The following THBS2 variants were observed in gnomAD, a reference collection of about 807,000 sequenced individuals.
THBS2 encodes thrombospondin-2.
In THBS2, 47 loss-of-function variants were observed where a neutral mutation model predicts 135.2. That is an observed-to-expected ratio of 0.35 (90% CI 0.28 to 0.44). THBS2 has a LOEUF of 0.44. THBS2 is among the 20% of genes least tolerant of loss of function. THBS2 has a pLI of 1.00. For missense variants in THBS2, 1,288 were observed against 1,603.1 expected (o/e 0.80, Z 3.36); for synonymous variants, 639 against 633.8 (o/e 1.01, Z -0.12).
rs1445628438 is a variant in THBS2, at chr6:169,241,994, G to A, written c.695-36C>T. On this transcript the variant is annotated intron_variant, in intron 4 of 21. Coordinates refer to ENST00000617924, the MANE Select transcript of THBS2 (RefSeq NM_003247.5). The surrounding 1 kb of genome is among the most constrained non-coding windows in gnomAD (Gnocchi z 5.5). ...GCGTAGAAGGGCCGTGAGCATCACA[G>A]AGGACGGGGCCAGCAGCAGGGGCTG... The A allele has an allele frequency of 6.3e-7, 1 of 1,579,888 alleles. No homozygotes were observed. Among genetic ancestry groups the A allele is most frequent in the South Asian group, 1.1e-5 (1 of 88,480 alleles).
chr6:169,221,474 G>C lies in THBS2; in HGVS notation c.3327C>G (p.Ala1109=). Residue 1109 remains alanine, a synonymous_variant, in exon 20 of 22, where the codon GCC becomes GCG. Transcript: ENST00000617924. ...PRNIGWKDYT[A]YRWHLTHRPK... ...GCCTGTGAGTCAGGTGCCACCTATAGGCCGTGTAGTCCTTCCAGCCAATGT... is the reference window on the plus strand; with the variant it reads ...GCCTGTGAGTCAGGTGCCACCTATACGCCGTGTAGTCCTTCCAGCCAATGT... 6.2e-7 allele frequency: 1 copy of C among 1,613,984 alleles called. No homozygotes were observed. The highest frequency in any genetic ancestry group is 8.5e-7 in the Non-Finnish European group (1 of 1,180,016).
chr6:169,236,650 CCA>C (rs1158399449), intron 9 of THBS2, among the ~76,000 whole-genome samples: 1 of 146,792 alleles, frequency 6.8e-6, no homozygotes, highest in Non-Finnish European at 1.5e-5. Flanking sequence ...CACTCGCCAT[CCA>C]CACTCACTCC....
rs746695605 is a variant in THBS2 at position 169,241,740 on chromosome 6, C to T, written c.891+22G>A. The T allele has an allele frequency of 7.6e-6, 12 of 1,585,134 alleles. No homozygotes were observed. Among genetic ancestry groups the T allele is most frequent in the Middle Eastern group, 1.8e-4 (1 of 5,606 alleles). Reference sequence around the variant, plus strand: ...AGCTGCCCATGCCCTATGACCCCCGCGGCCCCTGCGTGAGTACCCACCACT... The same window carrying T: ...AGCTGCCCATGCCCTATGACCCCCGTGGCCCCTGCGTGAGTACCCACCACT... On this transcript the variant is annotated intron_variant, in intron 5 of 21. Coordinates refer to ENST00000617924, the MANE Select transcript of THBS2 (RefSeq NM_003247.5). This position sits in a 1 kb window ranked among gnomAD's most constrained non-coding sequence, Gnocchi z 5.5.
intron 12 of THBS2, among the ~76,000 whole-genome samples, 184 bp downstream of exon 12, chr6:169,232,480 C>T (rs1779876809): frequency 6.6e-6 from 1 of 151,764 alleles, no homozygotes; most frequent in African/African-American, 2.4e-5. Context: ...GCTGAGCACG[C>T]CCCGCACCCC....
Position 169,248,494 on chromosome 6 carries a change from G to A in THBS2, c.532C>T (p.Pro178Ser). Residue 178 changes from proline (P) to serine (S), a missense_variant, in exon 3 of 22, where the codon CCC becomes TCC. Pro to Ser is a moderately conservative substitution (Grantham distance 74, BLOSUM62 -1). Around this residue, in one of 2 missense-constraint regions of THBS2, gnomAD observed 414 missense variants for 447.0 expected, o/e 0.93. Transcript: ENST00000617924. Reference protein sequence around the residue: ...DLIDSFALDEPFYEHLQAEKS... With the variant: ...DLIDSFALDESFYEHLQAEKS... Reference sequence around the variant, plus strand: ...TCCGCCTGCAGGTGCTCGTAGAAGGGCTCGTCCAGAGCGAAGCTGTCTATG... The same window carrying A: ...TCCGCCTGCAGGTGCTCGTAGAAGGACTCGTCCAGAGCGAAGCTGTCTATG... 2 of 1,614,012 alleles carry A rather than the reference G, an allele frequency of 1.2e-6. No homozygotes were observed. Among genetic ancestry groups the A allele is most frequent in the Non-Finnish European group, 1.7e-6 (2 of 1,180,032 alleles).
chr6:169,250,757 G>A lies in THBS2; in HGVS notation c.28C>T (p.Leu10=), dbSNP rs1271979237. 6.2e-7 allele frequency: 1 copy of A among 1,613,780 alleles called. No homozygotes were observed. The highest frequency in any genetic ancestry group is 8.5e-7 in the Non-Finnish European group (1 of 1,179,904). The part of the protein sequence containing the change: MVWRLVLLA[L]WVWPSTQAGH... ...CCTTGCGTGCTGGGCCACACCCACA[G>A]AGCCAGCAGGACCAGCCTCCAGACC... The change falls in exon 2 of 22, where the codon CTG becomes TTG. Residue 10 remains leucine (L), a synonymous_variant. Coordinates refer to ENST00000617924, the MANE Select transcript of THBS2 (RefSeq NM_003247.5).
rs913648953 is a variant in THBS2, at chr6:169,239,398, C to G, written c.1129+201G>C. 3 of 588,588 alleles carry G rather than the reference C, an allele frequency of 5.1e-6. No individual in the cohort carries two copies. In the African/African-American group the frequency reaches 5.6e-5, roughly 11 times the overall value. 36.5% of individuals were successfully genotyped at this position (588,588 alleles called of 1,614,324 possible). A position where few individuals can be genotyped will look rare whatever the true frequency, so the allele number is the denominator to read the frequency against. On this transcript the variant is annotated intron_variant, in intron 7 of 21. Transcript: ENST00000617924. ...ACTGGCCTTCCCACCCCCGCGTTCC[C>G]AGGGCTTCCACACTCCTTTCTAGCC...
rs148676859 is a variant in THBS2, at chr6:169,232,893, G to A, written c.1776C>T (p.Asp592=). The A allele has an allele frequency of 1.7e-5, 27 of 1,597,348 alleles. No individual in the cohort carries two copies. The African/African-American group carries it at 2.7e-4, about 16-fold the overall frequency. The change falls in exon 11 of 22, where the codon GAC becomes GAT. Residue 592 remains aspartate (D), a synonymous_variant. Coordinates refer to ENST00000617924, the MANE Select transcript of THBS2 (RefSeq NM_003247.5). ...LGNGTHCEDL[D]ECALVPDICF... ...AGCCCAGGGCGGGGTCACCCACCTCGTCCAGGTCCTCACAGTGGGTGCCAT... is the reference window on the plus strand; with the variant it reads ...AGCCCAGGGCGGGGTCACCCACCTCATCCAGGTCCTCACAGTGGGTGCCAT...
At chr6:169,229,742 CAGG>C (rs1026201732) in intron 13 of THBS2, 63 bp from the exon 14 acceptor site, 3 of 1,366,328 alleles carry the variant, frequency 2.2e-6, no homozygotes, top group Non-Finnish European at 3.1e-6. Context: ...TTCAGGAATG[CAGG>C]TGAAATGAAA....
At chr6:169,250,687 A>G in intron 2 of THBS2, 46 bp downstream of exon 2, 3 of 1,576,610 alleles carry the variant, frequency 1.9e-6, no homozygotes, top group Non-Finnish European at 1.7e-6. Context: ...CAGCTAAGCC[A>G]TATCTCACAA....
Position 169,226,077 on chromosome 6 carries a change from T to A in THBS2, c.2538+103A>T, listed in dbSNP as rs551720122. The A allele has an allele frequency of 3.8e-6, 5 of 1,319,772 alleles. No homozygotes were observed. The African/African-American group carries it at 7.2e-5, about 19-fold the overall frequency. 81.8% of individuals were successfully genotyped at this position (1,319,772 alleles called of 1,614,324 possible). On this transcript the variant is annotated intron_variant, in intron 16 of 21. Transcript: ENST00000617924. ...CATGGCTGCCCTCATCTGGTCAGGG[T>A]TGTGCACCAGGGGCAGTTGTCACAG...
chr6:169,248,325 G>C, intron 3 of THBS2, 92 bp downstream of exon 3: 2 of 1,435,618 alleles, frequency 1.4e-6, no homozygotes, highest in Non-Finnish European at 1.9e-6. Context: ...GGCTCTGCCT[G>C]CTCAAGCATC....
At chr6:169,219,097 G>A (rs2114968129) in intron 21 of THBS2, among the ~76,000 whole-genome samples, 1 of 151,726 alleles carries the variant, frequency 6.6e-6, no homozygotes, top group Non-Finnish European at 1.5e-5. Flanking sequence ...ATAGGTGGAT[G>A]GATGGATGGA....
rs548501469 is a variant in THBS2, at chr6:169,252,400, C to T, written c.-23+1324G>A. ...CCTCATCAGCCCACACTGCCGGGTACGTCGCAGTCCCCTAAGGACAGCTGT... is the reference window on the plus strand; with the variant it reads ...CCTCATCAGCCCACACTGCCGGGTATGTCGCAGTCCCCTAAGGACAGCTGT... On this transcript the variant is annotated intron_variant, in intron 1 of 21. Transcript: ENST00000617924. This position sits in a 1 kb window ranked among gnomAD's most constrained non-coding sequence, Gnocchi z 4.3. 5.9e-5 allele frequency among the ~76,000 whole-genome samples: 9 copies of T among 152,312 alleles called. No homozygotes were observed. The South Asian group carries it at 6.2e-4, about 11-fold the overall frequency.
chr6:169,234,614 G>T (rs190605734), intron 10 of THBS2, 120 bp downstream of exon 10: 2 of 1,015,972 alleles, frequency 2.0e-6, no homozygotes, highest in Non-Finnish European at 2.7e-6. Flanking sequence ...TTATCTTTGC[G>T]TGTGCAACTA....
chr6:169,231,351 G>A (rs1030012440), intron 13 of THBS2, among the ~76,000 whole-genome samples: 11 of 152,338 alleles, frequency 7.2e-5, no homozygotes, highest in Non-Finnish European at 1.5e-4. Flanking sequence ...CGACGCCTGA[G>A]CCAGAGAAGC....
Position 169,215,965 on chromosome 6 carries a change from A to T in THBS2, c.*1857T>A, listed in dbSNP as rs779351794. On this transcript the variant is annotated 3_prime_UTR_variant, in exon 22 of 22. Coordinates refer to ENST00000617924, the MANE Select transcript of THBS2 (RefSeq NM_003247.5). ...ATACGATAAATTTGTTTAGAAAAAC[A>T]TAAATAATTTACAAAAAATATGGTA... The T allele has an allele frequency of 6.6e-6, 1 of 152,550 alleles. No individual in the cohort carries two copies. The highest frequency in any genetic ancestry group is 1.5e-5 in the Non-Finnish European group (1 of 68,044). The allele number at this position is 152,550 out of a possible 1,614,324, so 9.4% of individuals were successfully genotyped here. A position where few individuals can be genotyped will look rare whatever the true frequency, so the allele number is the denominator to read the frequency against.
chr6:169,251,173 C>T (rs982647051), intron 1 of THBS2, among the ~76,000 whole-genome samples: 4 of 152,060 alleles, frequency 2.6e-5, no homozygotes, highest in African/African-American at 7.2e-5. Flanking sequence ...TCTGTTCATA[C>T]GACTCGTAGA....
At chr6:169,239,509 TCTC>T in intron 7 of THBS2, 87 bp downstream of exon 7, 1 of 1,283,004 alleles carries the variant, frequency 7.8e-7, no homozygotes, top group Non-Finnish European at 1.1e-6. Flanking sequence ...ACCTCACTCT[TCTC>T]TGCCAAAACC....
Sources: gnomAD v4.1 joint callset for allele counts (sites outside exome capture counted in the v4.1 genomes callset) on GRCh38, gnomAD v4.1.1 for gene constraint, gnomAD v4.1.1 regional missense constraint, Gnocchi (gnomAD v3.1) non-coding constraint, MANE v1.5 for transcripts, NCBI Gene and HGNC (gene_info 2026-07-23, HGNC 2026-07-21) for gene names.